The following CDYL variants were observed in gnomAD, a reference collection of about 807,000 sequenced individuals.
CDYL encodes chromodomain Y like, also known as chromodomain Y-like protein.
CDYL carries 8 observed loss-of-function variants against 47.3 expected under a neutral mutation model. The ratio of observed to expected loss-of-function variants is 0.17; its 90% CI spans 0.10 to 0.31. The LOEUF is 0.31. Among genes scored for constraint, CDYL ranks in the 10% least tolerant of loss-of-function variants. The pLI, the probability that CDYL is intolerant of heterozygous loss-of-function variation, is 1.00. For missense variants in CDYL, 471 were observed against 701.4 expected, an observed-to-expected ratio of 0.67 and a Z score of 3.71; for synonymous variants, 266 against 265.0, an observed-to-expected ratio of 1.00 and a Z score of -0.04.
At chr6:4,777,219 C>A (rs1217201718) in intron 1 of CDYL, among the ~76,000 whole-genome samples, 2 of 151,758 alleles carry the variant, frequency 1.3e-5, no homozygotes, top group Non-Finnish European at 2.9e-5. Context: ...AGGGTTTTGC[C>A]CCTGGTCGGG....
At chr6:4,880,101 G>A (rs1761725260) in intron 1 of CDYL, among the ~76,000 whole-genome samples, 1 of 151,716 alleles carries the variant, frequency 6.6e-6, no homozygotes, top group Non-Finnish European at 1.5e-5. Flanking sequence ...TGCATTCTAT[G>A]GGTTAGACAA....
At chr6:4,926,763 C>T (rs1757885481) in intron 2 of CDYL, among the ~76,000 whole-genome samples, 1 of 152,228 alleles carries the variant, frequency 6.6e-6, no homozygotes, top group Admixed American at 6.5e-5. Context: ...CTAATAAACT[C>T]ACATGGAAAC....
At chr6:4,882,576 C>G (rs1240028666) in intron 1 of CDYL, among the ~76,000 whole-genome samples, 1 of 152,138 alleles carries the variant, frequency 6.6e-6, no homozygotes, top group Admixed American at 6.5e-5. Flanking sequence ...TTGGCTGGTT[C>G]TTTTGGGAGA....
intron 1 of CDYL, among the ~76,000 whole-genome samples, chr6:4,880,972 G>A (rs1761746937): frequency 6.6e-6 from 1 of 152,088 alleles, no homozygotes; most frequent in East Asian, 1.9e-4. Context: ...TCATTCTCTT[G>A]AAACACCATC....
intron 1 of CDYL, among the ~76,000 whole-genome samples, chr6:4,792,030 C>CT (rs1758936160): frequency 6.6e-6 from 1 of 151,266 alleles, no homozygotes; most frequent in Non-Finnish European, 1.5e-5. Flanking sequence ...CTACAGGCGC[C>CT]TACCACCACG....
chr6:4,807,930 AT>A (rs201041809), intron 1 of CDYL, among the ~76,000 whole-genome samples: 9 of 151,206 alleles, frequency 6.0e-5, no homozygotes, highest in Admixed American at 1.3e-4. Context: ...ATGCACTTAG[AT>A]TTTTTTTTAA....
At chr6:4,784,960 C>G (rs1361454056) in intron 1 of CDYL, among the ~76,000 whole-genome samples, 1 of 152,122 alleles carries the variant, frequency 6.6e-6, no homozygotes, top group African/African-American at 2.4e-5. Context: ...CCTCATTCAC[C>G]TTCCTCCATG....
At chr6:4,789,960 C>T (rs1758873911) in intron 1 of CDYL, among the ~76,000 whole-genome samples, 1 of 152,180 alleles carries the variant, frequency 6.6e-6, no homozygotes, top group Admixed American at 6.5e-5. Flanking sequence ...TTGTGCTCCC[C>T]CTTCCCTGTG....
intron 1 of CDYL, among the ~76,000 whole-genome samples, chr6:4,838,675 A>G (rs1346298510): frequency 6.6e-6 from 1 of 151,860 alleles, no homozygotes; most frequent in African/African-American, 2.4e-5. Flanking sequence ...TTGCTGGATC[A>G]GATGGTAGTT....
intron 3 of CDYL, among the ~76,000 whole-genome samples, chr6:4,748,027 G>A (rs1757927330): frequency 6.6e-6 from 1 of 152,260 alleles, no homozygotes; most frequent in East Asian, 1.9e-4. Flanking sequence ...TATCTATTGG[G>A]TGAATGAGTC....
chr6:4,862,150 G>A (rs933706525), intron 1 of CDYL, among the ~76,000 whole-genome samples: 2 of 152,056 alleles, frequency 1.3e-5, no homozygotes, highest in East Asian at 1.9e-4. Flanking sequence ...AACGTCCTAC[G>A]TAAATAAACA....
chr6:4,789,393 G>A lies in CDYL; in HGVS notation c.24+12586G>A, dbSNP rs185952380. Among the ~76,000 whole-genome samples the A allele has an allele frequency of 6.8e-3, 1,035 of 152,212 alleles. 10 individuals carry two copies. The highest frequency in any genetic ancestry group is 0.024 in the African/African-American group (981 of 41,538). On this transcript the variant is annotated intron_variant, in intron 1 of 6. Transcript: ENST00000397588. ...CTGGCTGCTCCTGGGTTTCAGTTGC[G>A]CTTCTCTCCCCTAGTGGTGTCTCTG...
intron 1 of CDYL, chr6:4,836,172 G>A (rs931463179): frequency 8.1e-6 from 3 of 369,834 alleles, no homozygotes; most frequent in East Asian, 1.6e-4. Flanking sequence ...CTTCTGCGTC[G>A]CTCACGCTGG....
intron 1 of CDYL, among the ~76,000 whole-genome samples, chr6:4,851,595 G>A (rs1052399048): frequency 1.3e-5 from 2 of 152,122 alleles, no homozygotes; most frequent in African/African-American, 4.8e-5. Flanking sequence ...GTTTGTGAGG[G>A]GATTTTCAGG....
At chr6:4,782,257 CACCAG>C (rs753962832) in intron 1 of CDYL, among the ~76,000 whole-genome samples, 2 of 152,098 alleles carry the variant, frequency 1.3e-5, no homozygotes, top group Non-Finnish European at 2.9e-5. Context: ...CATGTTTGTC[CACCAG>C]AATGTAAGTG....
intron 2 of CDYL, among the ~76,000 whole-genome samples, chr6:4,925,595 T>C (rs1473170655): frequency 6.6e-6 from 1 of 151,888 alleles, no homozygotes; most frequent in Non-Finnish European, 1.5e-5. Context: ...TTTTTGTATT[T>C]TTAGTAGAGG....
chr6:4,953,356 C>T, intron 6 of CDYL, among the ~76,000 whole-genome samples: 1 of 151,788 alleles, frequency 6.6e-6, no homozygotes, highest in East Asian at 2.0e-4. Flanking sequence ...TGCTGTCCAG[C>T]CTGGGCAACA....
chr6:4,931,741 G>C (rs542141485), intron 2 of CDYL, among the ~76,000 whole-genome samples: 2 of 152,222 alleles, frequency 1.3e-5, no homozygotes, highest in African/African-American at 2.4e-5. Context: ...GGGTGTGGTC[G>C]CTGAAGCTCC....
At chr6:4,722,414 A>T (rs917175254) in intron 2 of CDYL, among the ~76,000 whole-genome samples, 23 of 152,298 alleles carry the variant, frequency 1.5e-4, no homozygotes, top group Middle Eastern at 3.4e-3. Context: ...GAAAAAATTT[A>T]AAAAAACACA....
Sources: allele counts gnomAD v4.1 joint callset (sites outside exome capture counted in the v4.1 genomes callset), GRCh38; gene constraint gnomAD v4.1.1; transcripts MANE v1.5; gene names NCBI Gene and HGNC (gene_info 2026-07-23, HGNC 2026-07-21).